The following HSF2 variants were observed in gnomAD, a reference collection of about 807,000 sequenced individuals.
The protein encoded by HSF2 is heat shock factor protein 2.
A neutral mutation model predicts 65.0 loss-of-function variants in HSF2; 21 were observed. The ratio of observed to expected loss-of-function variants is 0.32; its 90% CI spans 0.23 to 0.47. The LOEUF is 0.47. Ranked by LOEUF, HSF2 falls within the 20% of genes least tolerant of loss-of-function variation. HSF2 has a pLI of 1.00. For missense variants in HSF2, 499 were observed against 628.1 expected, an observed-to-expected ratio of 0.79 and a Z score of 2.20; for synonymous variants, 225 against 219.1, an observed-to-expected ratio of 1.03 and a Z score of -0.24.
At chr6:122,422,396 C>A in intron 8 of HSF2, 98 bp downstream of exon 8, 1 of 950,104 alleles carries the variant, frequency 1.1e-6, no homozygotes, top group Non-Finnish European at 1.6e-6. Context: ...AAATAATAAT[C>A]TTTCTCACAT....
At chr6:122,402,876 A>G (rs1250534082) in intron 1 of HSF2, among the ~76,000 whole-genome samples, 1 of 151,984 alleles carries the variant, frequency 6.6e-6, no homozygotes, top group Non-Finnish European at 1.5e-5. Context: ...GAAAGTTGCT[A>G]TTTATGGTGG....
Position 122,408,478 on chromosome 6 carries a change from A to G in HSF2, c.94-3895A>G, listed in dbSNP as rs574360024. ...TTCATTTTGTTGATTTATGTTTGCTATTAGGCCTTGTGGATCTTTGTTCAT... is the reference window on the plus strand; with the variant it reads ...TTCATTTTGTTGATTTATGTTTGCTGTTAGGCCTTGTGGATCTTTGTTCAT... On this transcript the variant is annotated intron_variant, in intron 1 of 12. Transcript: ENST00000368455. Among the ~76,000 whole-genome samples, 4 of 152,190 alleles carry G rather than the reference A, an allele frequency of 2.6e-5. No homozygotes were observed. In the South Asian group the frequency reaches 6.2e-4, roughly 24 times the overall value.
At chr6:122,415,972 GTACC>G (rs1033925931) in intron 4 of HSF2, among the ~76,000 whole-genome samples, 2 of 151,862 alleles carry the variant, frequency 1.3e-5, no homozygotes, top group Non-Finnish European at 2.9e-5. Context: ...AGCCGAGATC[GTACC>G]ACTGCACTTC....
chr6:122,412,414 A>T lies in HSF2; in HGVS notation c.135A>T (p.Ala45=). The T allele has an allele frequency of 6.2e-7, 1 of 1,613,042 alleles. No individual in the cohort carries two copies. The change falls in exon 2 of 13, where the codon GCA becomes GCT. Residue 45 remains alanine, a synonymous_variant. Coordinates refer to ENST00000368455, the MANE Select transcript of HSF2 (RefSeq NM_004506.4). The part of the protein sequence containing the change: ...SFLVLDEQRF[A]KEILPKYFKH... ...TGGTCTTGGATGAGCAACGATTTGC[A>T]AAAGAAATTCTTCCCAAATATTTCA...
At chr6:122,410,796 A>G (rs999864572) in intron 1 of HSF2, among the ~76,000 whole-genome samples, 3 of 151,804 alleles carry the variant, frequency 2.0e-5, no homozygotes, top group East Asian at 1.9e-4. Context: ...TACTTTATCC[A>G]TATATATTTC....
At chr6:122,404,946 A>T (rs532862569) in intron 1 of HSF2, among the ~76,000 whole-genome samples, 1 of 152,336 alleles carries the variant, frequency 6.6e-6, no homozygotes, top group South Asian at 2.1e-4. Context: ...TTATATAATC[A>T]AATAGTTGAA....
chr6:122,414,446 T>C (rs1026907122), intron 4 of HSF2, among the ~76,000 whole-genome samples: 1 of 152,206 alleles, frequency 6.6e-6, no homozygotes, highest in African/African-American at 2.4e-5. Flanking sequence ...TTGATTTCTT[T>C]TTTAAATAAG....
In HSF2 at chr6:122,399,662, A is replaced by AGCTGCTGCCGTAGCTGCC. The variant is rs1272918665; in HGVS notation, c.-73_-56dup. On this transcript the variant is annotated 5_prime_UTR_variant, in exon 1 of 13. Transcript: ENST00000368455. Reference sequence around the variant, plus strand: ...GCCTGCGTTGTGGGCGTTCTCGGGGAGCTGCTGCCGTAGCTGCCGCCGCCG... The same window carrying AGCTGCTGCCGTAGCTGCC: ...GCCTGCGTTGTGGGCGTTCTCGGGGAGCTGCTGCCGTAGCTGCCGCTGCTGCCGTAGCTGCCGCCGCCG... 2.1e-5 allele frequency: 26 copies of AGCTGCTGCCGTAGCTGCC among 1,219,194 alleles called. No homozygotes were observed. The highest frequency in any genetic ancestry group is 3.1e-5 in the African/African-American group (2 of 65,146). 75.5% of individuals were successfully genotyped at this position (1,219,194 alleles called of 1,614,324 possible).
chr6:122,410,625 T>C (rs1415482914), intron 1 of HSF2, among the ~76,000 whole-genome samples: 2 of 151,862 alleles, frequency 1.3e-5, no homozygotes, highest in East Asian at 3.9e-4. Context: ...GTCTCTGAAA[T>C]TGGCTATTAT....
chr6:122,427,578 G>C (rs1344190757), intron 10 of HSF2, among the ~76,000 whole-genome samples: 1 of 151,556 alleles, frequency 6.6e-6, no homozygotes, highest in Non-Finnish European at 1.5e-5. Flanking sequence ...AAGACATTTA[G>C]AGAAAAAAAA....
Position 122,433,078 on chromosome 6 carries a change from C to T in HSF2, c.*858C>T, listed in dbSNP as rs912265313. On this transcript the variant is annotated 3_prime_UTR_variant, in exon 13 of 13. Coordinates refer to ENST00000368455, the MANE Select transcript of HSF2 (RefSeq NM_004506.4). ...TTCATTATTCTCAATATGAATCATA[C>T]CAAGATATTTGTGCCTCATCTCGAA... 1 of 152,092 alleles carries T rather than the reference C, an allele frequency of 6.6e-6. No homozygotes were observed. The highest frequency in any genetic ancestry group is 2.4e-5 in the African/African-American group (1 of 41,422). The allele number at this position is 152,092 out of a possible 1,614,324, so 9.4% of individuals were successfully genotyped here.
rs541629255 is a variant in HSF2 at position 122,409,410 on chromosome 6, G to A, written c.94-2963G>A. On this transcript the variant is annotated intron_variant, in intron 1 of 12. Transcript: ENST00000368455. Reference sequence around the variant, plus strand: ...GAACCAAAAGCAGTTTTCAGTGAGAGTAAGTGGATGGTCCTGAATTGGAGA... The same window carrying A: ...GAACCAAAAGCAGTTTTCAGTGAGAATAAGTGGATGGTCCTGAATTGGAGA... Among the ~76,000 whole-genome samples, 23 of 152,126 alleles carry A rather than the reference G, an allele frequency of 1.5e-4. No homozygotes were observed. The South Asian group carries it at 4.6e-3, about 30-fold the overall frequency.
In HSF2 at chr6:122,432,249, A is replaced by G. The variant is rs756936755; in HGVS notation, c.*29A>G. 3 of 1,500,864 alleles carry G rather than the reference A, an allele frequency of 2.0e-6. No homozygotes were observed. The highest frequency in any genetic ancestry group is 2.8e-5 in the African/African-American group (2 of 71,284). The allele number at this position is 1,500,864 out of a possible 1,614,324, so 93.0% of individuals were successfully genotyped here. On this transcript the variant is annotated 3_prime_UTR_variant, in exon 13 of 13. Transcript: ENST00000368455. ...CCCAGGAAGTGGACTTTACATGTAT[A>G]TATTCATCAAAATGATGAACTATTT...
At position 122,399,861 on chromosome 6, in the gene HSF2, C is replaced by T. The variant is rs755134505; in HGVS notation, c.93+31C>T. Reference sequence around the variant, plus strand: ...GTCAGGCCACGGCGGCCTCTGAACCCCCTGAATAACCGCCTCCTCACTCGC... The same window carrying T: ...GTCAGGCCACGGCGGCCTCTGAACCTCCTGAATAACCGCCTCCTCACTCGC... On this transcript the variant is annotated intron_variant, in intron 1 of 12. Coordinates refer to ENST00000368455, the MANE Select transcript of HSF2 (RefSeq NM_004506.4). The T allele has an allele frequency of 9.4e-6, 14 of 1,485,136 alleles. 1 individual carries two copies. In the South Asian group the frequency reaches 1.6e-4, roughly 17 times the overall value. The allele number at this position is 1,485,136 out of a possible 1,614,324, so 92.0% of individuals were successfully genotyped here. A position where few individuals can be genotyped will look rare whatever the true frequency, so the allele number is the denominator to read the frequency against.
Position 122,416,292 on chromosome 6 carries a change from G to A in HSF2, c.527G>A (p.Arg176Gln), listed in dbSNP as rs778537452. ...AKHAQQQQVI[R>Q]KIVQFIVTLV... ...CATGCACAACAGCAACAAGTTATTC[G>A]AAAGGTAAGAAGCTCTTTTCCCCAG... Residue 176 changes from arginine to glutamine, a missense_variant, in exon 5 of 13, where the codon CGA becomes CAA. This residue lies in a region of HSF2 where 150 missense variants were observed against 234.6 expected (regional missense o/e 0.64). Coordinates refer to ENST00000368455, the MANE Select transcript of HSF2 (RefSeq NM_004506.4). The A allele has an allele frequency of 3.7e-6, 6 of 1,607,174 alleles. No individual in the cohort carries two copies. Among genetic ancestry groups the A allele is most frequent in the East Asian group, 4.5e-5 (2 of 44,800 alleles).
At chr6:122,413,071 G>C (rs1172924398) in intron 3 of HSF2, among the ~76,000 whole-genome samples, 4 of 151,412 alleles carry the variant, frequency 2.6e-5, no homozygotes, top group Non-Finnish European at 5.9e-5. Flanking sequence ...TAGGCATTCA[G>C]AAATACATTC....
intron 5 of HSF2, 67 bp downstream of exon 5, chr6:122,416,363 A>G: frequency 9.8e-7 from 1 of 1,019,564 alleles, no homozygotes; most frequent in Non-Finnish European, 1.5e-6. Context: ...GTGACCCAAA[A>G]AGGTCTTTAT....
At chr6:122,413,436 C>A in intron 3 of HSF2, 89 bp from the exon 4 acceptor site, 1 of 912,038 alleles carries the variant, frequency 1.1e-6, no homozygotes, top group South Asian at 1.8e-5. Context: ...CCTGAACAGG[C>A]TACGAAAACC....
rs73539081 is a variant in HSF2, at chr6:122,419,295, T to C, written c.593+66T>C. The C allele has an allele frequency of 3.8e-4, 276 of 729,350 alleles. No homozygotes were observed. In the African/African-American group the frequency reaches 4.6e-3, roughly 12 times the overall value. 45.2% of individuals were successfully genotyped at this position (729,350 alleles called of 1,614,324 possible). ...AGTCACACTTTTTAGTGTTTAACCA[T>C]GAGTAGCCTACACTTGCTGAGTATG... On this transcript the variant is annotated intron_variant, in intron 6 of 12. Transcript: ENST00000368455.
Sources: allele counts gnomAD v4.1 joint callset (sites outside exome capture counted in the v4.1 genomes callset), GRCh38; gene constraint gnomAD v4.1.1; regional missense constraint gnomAD v4.1.1; transcripts MANE v1.5; gene names NCBI Gene and HGNC (gene_info 2026-07-23, HGNC 2026-07-21).